Variants in CDKAL1 observed in about 807,000 individuals in gnomAD.
CDKAL1 encodes CDKAL1 threonylcarbamoyladenosine tRNA methylthiotransferase.
Under a neutral mutation model 68.2 loss-of-function variants are expected in CDKAL1, and 32 were observed. The observed-to-expected ratio is 0.47, with a 90% CI of 0.35 to 0.63. The LOEUF (loss-of-function observed/expected upper bound fraction) is 0.63, where lower values mean the gene tolerates loss of function less well. Ranked by LOEUF, CDKAL1 falls within the 30% of genes least tolerant of loss-of-function variation. The probability of loss-of-function intolerance (pLI) is 0.00; values close to 1 mark genes in which losing one functional copy is unlikely to be tolerated. For synonymous variants in CDKAL1, 234 were observed against 244.3 expected (o/e 0.96, Z 0.39); for missense variants, 606 against 696.7 (o/e 0.87, Z 1.47).
intron 5 of CDKAL1, among the ~76,000 whole-genome samples, chr6:20,708,357 C>G (rs544803417): frequency 2.0e-5 from 3 of 152,226 alleles, no homozygotes; most frequent in South Asian, 2.1e-4. Context: ...CCTTGCAAGG[C>G]CTACTTTACT....
intron 7 of CDKAL1, among the ~76,000 whole-genome samples, chr6:20,770,429 G>A (rs1045022460): frequency 1.3e-5 from 2 of 152,114 alleles, no homozygotes; most frequent in African/African-American, 4.8e-5. Flanking sequence ...AAAATCCTGC[G>A]ATGTTTTTTA....
intron 4 of CDKAL1, among the ~76,000 whole-genome samples, chr6:20,648,442 G>C (rs1230367711): frequency 6.8e-6 from 1 of 147,344 alleles, no homozygotes. Context: ...TTTTTGGCGT[G>C]TGTGCCAAGT....
intron 4 of CDKAL1, among the ~76,000 whole-genome samples, chr6:20,635,339 G>A (rs1767857362): frequency 6.6e-6 from 1 of 152,150 alleles, no homozygotes; most frequent in South Asian, 2.1e-4. Context: ...CTGTCAGGGA[G>A]CTCCTTCCTT....
intron 6 of CDKAL1, among the ~76,000 whole-genome samples, chr6:20,746,861 T>C (rs1377912955): frequency 6.6e-6 from 1 of 152,200 alleles, no homozygotes; most frequent in Non-Finnish European, 1.5e-5. Flanking sequence ...TTGTGTGTAG[T>C]AAGAGCACCT....
intron 9 of CDKAL1, among the ~76,000 whole-genome samples, chr6:20,924,115 T>C (rs1763078816): frequency 6.6e-6 from 1 of 151,038 alleles, no homozygotes; most frequent in Non-Finnish European, 1.5e-5. Flanking sequence ...AAAGAGGTTA[T>C]TGAGGGAAAT....
intron 11 of CDKAL1, among the ~76,000 whole-genome samples, chr6:21,007,224 A>G (rs1767772898): frequency 6.6e-6 from 1 of 152,152 alleles, no homozygotes; most frequent in South Asian, 2.1e-4. Context: ...AGATTGCTTG[A>G]GTCCAGGAGT....
At chr6:20,796,717 G>A (rs942497504) in intron 8 of CDKAL1, among the ~76,000 whole-genome samples, 76 of 152,114 alleles carry the variant, frequency 5.0e-4, no homozygotes, top group Non-Finnish European at 9.0e-4. Flanking sequence ...TGACAAAGGC[G>A]CAAAGTTCAT....
intron 13 of CDKAL1, among the ~76,000 whole-genome samples, chr6:21,171,114 A>G (rs1485566458): frequency 6.6e-6 from 1 of 152,230 alleles, no homozygotes; most frequent in African/African-American, 2.4e-5. Flanking sequence ...ACTATGGTCC[A>G]GCACACAGGT....
intron 7 of CDKAL1, among the ~76,000 whole-genome samples, chr6:20,780,834 C>G (rs559563216): frequency 1.3e-5 from 2 of 151,828 alleles, no homozygotes; most frequent in East Asian, 3.9e-4. Flanking sequence ...CCACCACACC[C>G]GGCTTATTTT....
In CDKAL1 at chr6:20,541,721, C is replaced by CG. The variant is rs1763395332; in HGVS notation, c.-5-4624dup. 3.3e-5 allele frequency among the ~76,000 whole-genome samples: 5 copies of CG among 152,024 alleles called. No homozygotes were observed. The South Asian group carries it at 1.0e-3, about 32-fold the overall frequency. ...TGTTGCCCAGGCTGGAGTGCAATGGCGCGATCTCGGCTAACCAAAACCTCT... is the reference window on the plus strand; with the variant it reads ...TGTTGCCCAGGCTGGAGTGCAATGGCGGCGATCTCGGCTAACCAAAACCTCT... On this transcript the variant is annotated intron_variant, in intron 2 of 15. Coordinates refer to ENST00000274695, the MANE Select transcript of CDKAL1 (RefSeq NM_017774.3).
chr6:20,950,942 C>T (rs576473610), intron 9 of CDKAL1, among the ~76,000 whole-genome samples: 108 of 150,970 alleles, frequency 7.2e-4, no homozygotes, highest in African/African-American at 2.6e-3. Flanking sequence ...TGCACTCCAG[C>T]CTGGGTGACA....
chr6:20,620,676 G>C (rs2127732522), intron 4 of CDKAL1, among the ~76,000 whole-genome samples: 1 of 151,884 alleles, frequency 6.6e-6, no homozygotes, highest in East Asian at 1.9e-4. Context: ...TATATTTCCT[G>C]CCTGTCTAAC....
intron 5 of CDKAL1, among the ~76,000 whole-genome samples, chr6:20,689,713 G>GA (rs1770785761): frequency 6.6e-6 from 1 of 152,000 alleles, no homozygotes; most frequent in African/African-American, 2.4e-5. Flanking sequence ...TTTATGTTGT[G>GA]GTTTTCAAAG....
chr6:20,935,681 C>T (rs1207323720), intron 9 of CDKAL1, among the ~76,000 whole-genome samples: 8 of 151,908 alleles, frequency 5.3e-5, no homozygotes, highest in African/African-American at 1.7e-4. Context: ...CCACCTGCCT[C>T]GGCCTCCCAA....
rs771661213 is a variant in CDKAL1 at position 20,649,404 on chromosome 6, T to G, written c.371+27T>G. 3.8e-6 allele frequency: 5 copies of G among 1,303,440 alleles called. No individual in the cohort carries two copies. The East Asian group carries it at 1.2e-4, about 30-fold the overall frequency. 80.7% of individuals were successfully genotyped at this position (1,303,440 alleles called of 1,614,324 possible). On this transcript the variant is annotated intron_variant, in intron 5 of 15. Transcript: ENST00000274695. Reference sequence around the variant, plus strand: ...TAAGTAGAAATTGATTTTTTCCTATTTTGTATAATCAAAGTAAGAATTGAT... The same window carrying G: ...TAAGTAGAAATTGATTTTTTCCTATGTTGTATAATCAAAGTAAGAATTGAT...
intron 6 of CDKAL1, among the ~76,000 whole-genome samples, chr6:20,748,075 T>A (rs1021682023): frequency 1.3e-4 from 20 of 152,168 alleles, no homozygotes; most frequent in African/African-American, 4.3e-4. Flanking sequence ...AATGACATTG[T>A]TTGCAAATAT....
At chr6:21,108,719 T>C (rs1582214945) in intron 13 of CDKAL1, among the ~76,000 whole-genome samples, 1 of 152,268 alleles carries the variant, frequency 6.6e-6, no homozygotes, top group African/African-American at 2.4e-5. Flanking sequence ...AAAGACACAT[T>C]TTGGGGTGTA....
intron 12 of CDKAL1, among the ~76,000 whole-genome samples, chr6:21,091,999 G>A (rs1238498867): frequency 1.3e-5 from 2 of 149,576 alleles, no homozygotes; most frequent in Non-Finnish European, 3.0e-5. Flanking sequence ...CCATTCTCCT[G>A]CCTCAGCCTC....
intron 4 of CDKAL1, among the ~76,000 whole-genome samples, chr6:20,623,492 A>G (rs1767287337): frequency 6.6e-6 from 1 of 152,108 alleles, no homozygotes; most frequent in African/African-American, 2.4e-5. Context: ...CTTTCCCAAA[A>G]TCAGTGAGGA....
Sources: gnomAD v4.1 joint callset for allele counts (sites outside exome capture counted in the v4.1 genomes callset) on GRCh38, gnomAD v4.1.1 for gene constraint, MANE v1.5 for transcripts, NCBI Gene and HGNC (gene_info 2026-07-23, HGNC 2026-07-21) for gene names.